Variants in GRID2 observed in about 807,000 individuals in gnomAD.
The protein encoded by GRID2 is glutamate receptor ionotropic, delta-2.
In GRID2, 33 loss-of-function variants were observed where a neutral mutation model predicts 114.8. The ratio of observed to expected loss-of-function variants is 0.29; its 90% CI spans 0.22 to 0.38. The LOEUF is 0.38. GRID2 is among the 10% of genes least tolerant of loss of function. GRID2 has a pLI of 1.00. For synonymous variants in GRID2, 505 were observed against 449.9 expected (o/e 1.12, Z -1.55); for missense variants, 1,184 against 1,257.7 (o/e 0.94, Z 0.89).
At chr4:93,506,395 T>C (rs17274770) in intron 12 of GRID2, among the ~76,000 whole-genome samples, 26,829 of 152,240 alleles carry the variant, frequency 0.18, 3,149 homozygotes, top group Middle Eastern at 0.33. Flanking sequence ...TCATGAATCT[T>C]GCTGCGCACT....
At position 93,052,365 on chromosome 4, in the gene GRID2, G is replaced by A. The variant is rs1420292368; in HGVS notation, c.245-32630G>A. Among the ~76,000 whole-genome samples, 4 of 151,896 alleles carry A rather than the reference G, an allele frequency of 2.6e-5. No individual in the cohort carries two copies. In the South Asian group the frequency reaches 8.3e-4, roughly 31 times the overall value. ...ATCACTTAATGATGGGATATGTTCT[G>A]AGACGTGCATCTTTAGGTGATTTTG... On this transcript the variant is annotated intron_variant, in intron 2 of 15. Coordinates refer to ENST00000282020, the MANE Select transcript of GRID2 (RefSeq NM_001510.4).
At chr4:93,089,533 C>A (rs558552367) in intron 3 of GRID2, among the ~76,000 whole-genome samples, 7 of 152,228 alleles carry the variant, frequency 4.6e-5, no homozygotes, top group Non-Finnish European at 8.8e-5. Context: ...TTTGAGAAAG[C>A]CACCTGGCTT....
chr4:93,332,299 T>TGAGAGAGAGAGA (rs10596544), intron 8 of GRID2, among the ~76,000 whole-genome samples: 32 of 121,020 alleles, frequency 2.6e-4, no homozygotes, highest in African/African-American at 4.3e-4. Context: ...TGTGTGTGTG[T>TGAGAGAGAGAGA]GAGAGAGAGA....
intron 1 of GRID2, among the ~76,000 whole-genome samples, chr4:92,512,306 C>T (rs1042655505): frequency 4.6e-5 from 7 of 151,668 alleles, no homozygotes; most frequent in Admixed American, 4.6e-4. Flanking sequence ...ACCTTTTGGC[C>T]GTTATGAATA....
intron 1 of GRID2, among the ~76,000 whole-genome samples, chr4:92,475,193 A>T (rs72661916): frequency 0.18 from 24,762 of 140,692 alleles, 2,485 homozygotes; most frequent in Middle Eastern, 0.25. Flanking sequence ...TTTGCCTTTT[A>T]AAAAAAAAAT....
intron 10 of GRID2, among the ~76,000 whole-genome samples, chr4:93,429,855 A>G (rs976684478): frequency 1.3e-5 from 2 of 152,298 alleles, no homozygotes; most frequent in South Asian, 4.1e-4. Flanking sequence ...TTTTCTTGTC[A>G]CTGTGCCCAC....
intron 1 of GRID2, among the ~76,000 whole-genome samples, chr4:92,537,319 C>T (rs893395170): frequency 6.6e-6 from 1 of 151,902 alleles, no homozygotes. Flanking sequence ...AATTAATAAG[C>T]GTTTAGTTCA....
chr4:93,408,086 G>A lies in GRID2; in HGVS notation c.1347+12378G>A, dbSNP rs184410885. Reference sequence around the variant, plus strand: ...TACTCAAGAAAAAAGTATTGAGGCCGAGTAGTCTGAAGTCTACTGGGGAAT... The same window carrying A: ...TACTCAAGAAAAAAGTATTGAGGCCAAGTAGTCTGAAGTCTACTGGGGAAT... On this transcript the variant is annotated intron_variant, in intron 9 of 15. Transcript: ENST00000282020. Among the ~76,000 whole-genome samples the A allele has an allele frequency of 6.6e-5, 10 of 152,188 alleles. No homozygotes were observed. The Middle Eastern group carries it at 0.01, about 155-fold the overall frequency.
intron 2 of GRID2, among the ~76,000 whole-genome samples, chr4:92,728,056 G>T (rs1189514973): frequency 6.6e-6 from 1 of 152,046 alleles, no homozygotes; most frequent in Non-Finnish European, 1.5e-5. Context: ...GGGAGGGAAT[G>T]GAGTGGTGAG....
At chr4:93,612,014 A>G (rs1740982834) in intron 13 of GRID2, among the ~76,000 whole-genome samples, 1 of 151,532 alleles carries the variant, frequency 6.6e-6, no homozygotes, top group South Asian at 2.1e-4. Context: ...TTGGGTGCAT[A>G]AATATTTAGG....
At chr4:92,604,379 T>C (rs2149222094) in intron 2 of GRID2, among the ~76,000 whole-genome samples, 1 of 152,284 alleles carries the variant, frequency 6.6e-6, no homozygotes, top group Admixed American at 6.5e-5. Context: ...TGAGATTATG[T>C]CATTTGCTGG....
intron 8 of GRID2, chr4:93,258,857 T>G (rs762648342): frequency 2.2e-6 from 1 of 452,670 alleles, no homozygotes; most frequent in East Asian, 7.0e-5. Context: ...ACACAACTAC[T>G]GCAAGATTCA....
At chr4:93,490,533 A>C (rs1726888586) in intron 11 of GRID2, 106 bp from the exon 12 acceptor site, 1 of 748,254 alleles carries the variant, frequency 1.3e-6, no homozygotes, top group South Asian at 1.9e-5. Flanking sequence ...TTAAGCAGAA[A>C]AAATTCTCAC....
chr4:93,599,949 C>T (rs560769933), intron 13 of GRID2, among the ~76,000 whole-genome samples: 1 of 152,222 alleles, frequency 6.6e-6, no homozygotes, highest in East Asian at 1.9e-4. Flanking sequence ...TTCATACTGC[C>T]CTTAAATTCT....
At chr4:93,160,537 T>TC (rs1737595980) in intron 4 of GRID2, among the ~76,000 whole-genome samples, 1 of 151,740 alleles carries the variant, frequency 6.6e-6, no homozygotes, top group South Asian at 2.1e-4. Context: ...GTCCTCCAAG[T>TC]CCCCCTCTAC....
intron 6 of GRID2, among the ~76,000 whole-genome samples, chr4:93,224,001 G>A (rs1178593662): frequency 1.3e-5 from 2 of 152,076 alleles, no homozygotes; most frequent in Non-Finnish European, 2.9e-5. Flanking sequence ...TATGGTATTT[G>A]TGAAATCAAT....
intron 2 of GRID2, among the ~76,000 whole-genome samples, chr4:92,672,477 T>C (rs1029146014): frequency 1.3e-5 from 2 of 152,140 alleles, no homozygotes; most frequent in Non-Finnish European, 1.5e-5. Flanking sequence ...TCTTTTACTT[T>C]CAACTTATTT....
At chr4:93,279,257 A>C (rs2149582702) in intron 8 of GRID2, among the ~76,000 whole-genome samples, 1 of 151,850 alleles carries the variant, frequency 6.6e-6, no homozygotes, top group African/African-American at 2.4e-5. Flanking sequence ...TTACATATCT[A>C]AATTATTCAG....
intron 2 of GRID2, among the ~76,000 whole-genome samples, chr4:92,724,383 T>G (rs971265237): frequency 1.8e-4 from 27 of 152,144 alleles, no homozygotes; most frequent in African/African-American, 6.5e-4. Context: ...TACGCCTAGG[T>G]TAGCATACTG....
Sources: allele counts gnomAD v4.1 joint callset (sites outside exome capture counted in the v4.1 genomes callset), GRCh38; gene constraint gnomAD v4.1.1; transcripts MANE v1.5; gene names NCBI Gene and HGNC (gene_info 2026-07-23, HGNC 2026-07-21).